Variants in PRELID2 observed in about 807,000 individuals in gnomAD.
PRELID2 encodes the protein PRELI domain-containing protein 2.
A neutral mutation model predicts 28.4 loss-of-function variants in PRELID2; 25 were observed. The ratio of observed to expected loss-of-function variants is 0.88; its 90% confidence interval spans 0.64 to 1.23. The LOEUF (loss-of-function observed/expected upper bound fraction) is 1.23, where lower values mean the gene tolerates loss of function less well. Among genes scored for constraint, PRELID2 ranks in the 50% most tolerant of loss-of-function variants. PRELID2 has a pLI of 0.00. For synonymous variants in PRELID2, 76 were observed against 71.6 expected (o/e 1.06, Z -0.31); for missense variants, 201 against 214.4 (o/e 0.94, Z 0.39).
intron 1 of PRELID2, among the ~76,000 whole-genome samples, chr5:145,595,132 A>AAAG (rs144379324): frequency 6.0e-5 from 9 of 149,126 alleles, no homozygotes; most frequent in Non-Finnish European, 1.0e-4. Flanking sequence ...AAAAGAAAAA[A>AAAG]AAGAAGAAGA....
At chr5:145,342,601 G>C in the PRELID2 span, among the ~76,000 whole-genome samples, 8 of 151,872 alleles carry the variant, frequency 5.3e-5, no homozygotes, top group Non-Finnish European at 1.0e-4. Flanking sequence ...TATCTCACCA[G>C]TCTTCTTTAA....
chr5:145,672,214 G>A (rs1581044174), intron 1 of PRELID2, among the ~76,000 whole-genome samples: 1 of 152,182 alleles, frequency 6.6e-6, no homozygotes, highest in South Asian at 2.1e-4. Context: ...AGCTAGTCTG[G>A]AATGATATAG....
At chr5:145,612,533 A>G (rs1753631995) in intron 1 of PRELID2, among the ~76,000 whole-genome samples, 3 of 151,900 alleles carry the variant, frequency 2.0e-5, no homozygotes, top group Non-Finnish European at 2.9e-5. Context: ...TTTAGTGGCA[A>G]TTTTTGAGAT....
At chr5:145,598,836 T>C (rs1753347935) in intron 1 of PRELID2, among the ~76,000 whole-genome samples, 2 of 152,302 alleles carry the variant, frequency 1.3e-5, no homozygotes, top group South Asian at 4.1e-4. Context: ...GGTGCAATAA[T>C]AGAAAATAAC....
At chr5:145,743,723 G>A (rs943204779) in intron 1 of PRELID2, among the ~76,000 whole-genome samples, 1 of 152,156 alleles carries the variant, frequency 6.6e-6, no homozygotes, top group Admixed American at 6.5e-5. Context: ...CGCTACAGAG[G>A]GCTGGGGTCC....
chr5:145,359,039 T>A, the PRELID2 span, among the ~76,000 whole-genome samples: 1 of 152,180 alleles, frequency 6.6e-6, no homozygotes, highest in Non-Finnish European at 1.5e-5. Context: ...CCTAATTCCC[T>A]GCACAGCTGT....
At chr5:145,372,851 A>ATAT in the PRELID2 span, among the ~76,000 whole-genome samples, 5 of 139,058 alleles carry the variant, frequency 3.6e-5, no homozygotes, top group Admixed American at 8.1e-5. Context: ...ATAAGGTTAT[A>ATAT]TATTATTATT....
chr5:145,754,097 T>G (rs182062990), downstream of PRELID2: 1 of 152,160 alleles, frequency 6.6e-6, no homozygotes, highest in African/African-American at 2.4e-5. Context: ...TCAGAACAGC[T>G]TGAAGGTAAA....
the PRELID2 span, among the ~76,000 whole-genome samples, chr5:145,439,156 T>A: frequency 6.6e-6 from 1 of 152,138 alleles, no homozygotes; most frequent in South Asian, 2.1e-4. Context: ...ATGTGTGGGA[T>A]CAGATGGGAT....
chr5:145,503,478 C>T (rs1752377448), intron 1 of PRELID2, among the ~76,000 whole-genome samples: 1 of 152,128 alleles, frequency 6.6e-6, no homozygotes, highest in African/African-American at 2.4e-5. Context: ...ATTTATTAAG[C>T]TCCTACTAGA....
intron 1 of PRELID2, among the ~76,000 whole-genome samples, chr5:145,512,402 C>T (rs1428237525): frequency 6.6e-6 from 1 of 152,182 alleles, no homozygotes; most frequent in Non-Finnish European, 1.5e-5. Context: ...GGAAAGAGCC[C>T]TCCACAGGTT....
chr5:145,656,883 C>A (rs1260385433), intron 1 of PRELID2, among the ~76,000 whole-genome samples: 6 of 151,950 alleles, frequency 3.9e-5, no homozygotes, highest in Non-Finnish European at 8.8e-5. Context: ...CACATGTACC[C>A]TAGAACTTAA....
the PRELID2 span, among the ~76,000 whole-genome samples, chr5:145,423,376 T>C: frequency 6.6e-6 from 1 of 152,114 alleles, no homozygotes; most frequent in African/African-American, 2.4e-5. Context: ...GGTACACCAA[T>C]CAGGCATAGA....
At chr5:145,543,492 T>A (rs1159030310) in intron 1 of PRELID2, among the ~76,000 whole-genome samples, 3 of 152,140 alleles carry the variant, frequency 2.0e-5, no homozygotes, top group African/African-American at 7.2e-5. Context: ...GATTCCTAAA[T>A]GTTTATTGAT....
At chr5:145,729,309 C>A in intron 1 of PRELID2, 7 of 994,268 alleles carry the variant, frequency 7.0e-6, no homozygotes, top group East Asian at 2.5e-5. Context: ...TTCCTTGGGG[C>A]CTTGAGTCCA....
At chr5:145,647,075 G>T (rs528862236) in intron 1 of PRELID2, among the ~76,000 whole-genome samples, 1 of 152,330 alleles carries the variant, frequency 6.6e-6, no homozygotes, top group African/African-American at 2.4e-5. Flanking sequence ...TCTCTTCAGA[G>T]CCATCAGGCT....
At chr5:145,705,935 C>T (rs1318143) in intron 1 of PRELID2, among the ~76,000 whole-genome samples, 30 of 129,192 alleles carry the variant, frequency 2.3e-4, no homozygotes, top group African/African-American at 6.7e-4. Context: ...CACACATGTG[C>T]GCCTACACAC....
chr5:145,290,559 T>C, the PRELID2 span, among the ~76,000 whole-genome samples: 3 of 134,340 alleles, frequency 2.2e-5, no homozygotes, highest in South Asian at 7.1e-4. Flanking sequence ...ATGAGAACAC[T>C]TGGACACAGG....
At chr5:145,732,545 T>C (rs1756375190) in intron 1 of PRELID2, among the ~76,000 whole-genome samples, 1 of 152,212 alleles carries the variant, frequency 6.6e-6, no homozygotes, top group Non-Finnish European at 1.5e-5. Context: ...AAAATTTTAA[T>C]TGGATATAAT....
Sources: gnomAD v4.1 joint callset for allele counts (sites outside exome capture counted in the v4.1 genomes callset) on GRCh38, gnomAD v4.1.1 for gene constraint, MANE v1.5 for transcripts, NCBI Gene and HGNC (gene_info 2026-07-23, HGNC 2026-07-21) for gene names.